Variants in MDGA2 observed in about 807,000 individuals in gnomAD.
MDGA2 encodes MAM domain-containing glycosylphosphatidylinositol anchor protein 2.
A neutral mutation model predicts 117.8 loss-of-function variants in MDGA2; 40 were observed. The observed-to-expected ratio is 0.34, with a 90% confidence interval of 0.26 to 0.44. The LOEUF (loss-of-function observed/expected upper bound fraction) is 0.44. MDGA2 is among the 20% of genes least tolerant of loss of function. MDGA2 has a pLI of 1.00. For synonymous variants in MDGA2, 452 were observed against 439.0 expected, an observed-to-expected ratio of 1.03 and a Z score of -0.37; for missense variants, 1,123 against 1,250.6, an observed-to-expected ratio of 0.90 and a Z score of 1.54.
intron 1 of MDGA2, among the ~76,000 whole-genome samples, chr14:47,398,059 T>C (rs1162854521): frequency 6.6e-6 from 1 of 152,110 alleles, no homozygotes; most frequent in Non-Finnish European, 1.5e-5. Context: ...AGAAGATAAA[T>C]TGAGGCACCA....
chr14:47,559,562 T>G (rs1276993879), intron 1 of MDGA2, among the ~76,000 whole-genome samples: 3 of 150,580 alleles, frequency 2.0e-5, no homozygotes, highest in African/African-American at 4.9e-5. Flanking sequence ...TGAGTACAAG[T>G]TTTTTTTTCT....
At chr14:46,894,126 A>G (rs1189745374) in intron 10 of MDGA2, among the ~76,000 whole-genome samples, 1 of 152,060 alleles carries the variant, frequency 6.6e-6, no homozygotes, top group Admixed American at 6.6e-5. Context: ...TTTGCTAAAT[A>G]TTTTACACAT....
intron 1 of MDGA2, among the ~76,000 whole-genome samples, chr14:47,540,675 T>C (rs1427013760): frequency 6.6e-6 from 1 of 151,366 alleles, no homozygotes; most frequent in Non-Finnish European, 1.5e-5. Flanking sequence ...GCAATCCTCC[T>C]GCCTCAGCCT....
chr14:47,425,648 CT>C (rs1892672220), intron 1 of MDGA2, among the ~76,000 whole-genome samples: 1 of 152,100 alleles, frequency 6.6e-6, no homozygotes, highest in African/African-American at 2.4e-5. Context: ...AGGCTACTTT[CT>C]CCAGAGAGTT....
At chr14:47,415,736 T>C (rs1289501790) in intron 1 of MDGA2, among the ~76,000 whole-genome samples, 2 of 152,140 alleles carry the variant, frequency 1.3e-5, no homozygotes, top group Non-Finnish European at 2.9e-5. Flanking sequence ...CTCGCACTTC[T>C]GGAGGCTGGA....
rs1041600340 is a variant in MDGA2 at position 47,662,495 on chromosome 14, C to T, written c.280+12022G>A. On this transcript the variant is annotated intron_variant, in intron 1 of 16. Transcript: ENST00000399232. ...CAAAGTACTTCTTTGCATAAGTAAG[C>T]TTAGAGATTAAGGCATTAAATTAGT... Among the ~76,000 whole-genome samples, 9 of 1,656 alleles carry T rather than the reference C, an allele frequency of 5.4e-3. No homozygotes were observed. The Non-Finnish European group carries it at 0.08, about 15-fold the overall frequency. The allele number at this position is 1,656 out of a possible 152,430, so 1.1% of individuals were successfully genotyped here.
rs1425564793 is a variant in MDGA2 at position 47,403,156 on chromosome 14, G to T, written c.281-101606C>A. ...TTTCCATTTCCAACAGCATTCACTA[G>T]CAACTTATCAACTTAGTCTAATTTC... On this transcript the variant is annotated intron_variant, in intron 1 of 16. Transcript: ENST00000399232. Among the ~76,000 whole-genome samples the T allele has an allele frequency of 8.5e-5, 13 of 152,170 alleles. No individual in the cohort carries two copies. The South Asian group carries it at 2.7e-3, about 32-fold the overall frequency.
intron 8 of MDGA2, among the ~76,000 whole-genome samples, chr14:47,009,742 T>C (rs922295558): frequency 6.6e-6 from 1 of 152,080 alleles, no homozygotes; most frequent in African/African-American, 2.4e-5. Flanking sequence ...GTAAGAATTT[T>C]GAACTTTTAG....
intron 1 of MDGA2, among the ~76,000 whole-genome samples, chr14:47,465,324 T>C (rs370917881): frequency 6.6e-6 from 1 of 152,082 alleles, no homozygotes; most frequent in Admixed American, 6.6e-5. Context: ...AAGGAAAAAT[T>C]GACTAGTGAG....
intron 5 of MDGA2, among the ~76,000 whole-genome samples, chr14:47,107,815 C>T (rs1880802622): frequency 2.0e-5 from 3 of 151,174 alleles, no homozygotes; most frequent in Admixed American, 2.0e-4. Flanking sequence ...TTAGCCTAGC[C>T]CTCATGTCTG....
chr14:47,157,684 T>A (rs932409835), intron 3 of MDGA2, among the ~76,000 whole-genome samples: 2 of 151,024 alleles, frequency 1.3e-5, no homozygotes, highest in South Asian at 4.3e-4. Context: ...TCATCCTGAA[T>A]TGTAGTTCCC....
chr14:47,297,516 AG>A (rs1364000841), intron 2 of MDGA2, among the ~76,000 whole-genome samples: 3 of 80,740 alleles, frequency 3.7e-5, no homozygotes, highest in Admixed American at 1.6e-4. Context: ...AGGGAAGGGA[AG>A]GGGCAGGGAG....
chr14:46,873,234 A>C lies in MDGA2; in HGVS notation c.2752+199T>G, dbSNP rs186158329. 1.0e-5 allele frequency: 5 copies of C among 484,242 alleles called. No homozygotes were observed. In the East Asian group the frequency reaches 1.4e-4, roughly 13 times the overall value. The allele number at this position is 484,242 out of a possible 1,614,324, so 30.0% of individuals were successfully genotyped here. A position where few individuals can be genotyped will look rare whatever the true frequency, so the allele number is the denominator to read the frequency against. ...TCCAAAGGGAGGTAGGTGATGATCT[A>C]AAATGTCAAATTCCAAATCTAAATT... On this transcript the variant is annotated intron_variant, in intron 14 of 16. Coordinates refer to ENST00000399232, the MANE Select transcript of MDGA2 (RefSeq NM_001113498.3).
chr14:47,333,514 T>A (rs1890351548), intron 1 of MDGA2, among the ~76,000 whole-genome samples: 1 of 151,888 alleles, frequency 6.6e-6, no homozygotes, highest in Non-Finnish European at 1.5e-5. Context: ...GGCTATGAAG[T>A]CTTGATCACT....
chr14:46,880,268 T>C (rs1261720945), intron 11 of MDGA2, among the ~76,000 whole-genome samples: 2 of 151,898 alleles, frequency 1.3e-5, no homozygotes, highest in Admixed American at 1.3e-4. Context: ...GAGGTTGCAG[T>C]GAGTTGAGAT....
chr14:46,957,278 G>T, intron 9 of MDGA2, 96 bp downstream of exon 9: 2 of 1,231,444 alleles, frequency 1.6e-6, no homozygotes, highest in South Asian at 1.5e-5. Context: ...ATGCTCCATT[G>T]ATTTACAAAT....
chr14:47,119,178 C>CG (rs1881506976), intron 5 of MDGA2, among the ~76,000 whole-genome samples: 1 of 61,756 alleles, frequency 1.6e-5, no homozygotes, highest in African/African-American at 4.5e-5. Flanking sequence ...AGCCCCGCCC[C>CG]CCCCCCCCCA....
At chr14:47,182,858 C>G (rs1884764046) in intron 3 of MDGA2, among the ~76,000 whole-genome samples, 1 of 151,946 alleles carries the variant, frequency 6.6e-6, no homozygotes, top group Admixed American at 6.6e-5. Flanking sequence ...TTTTGGGAAA[C>G]TTTTTATTCC....
intron 1 of MDGA2, among the ~76,000 whole-genome samples, chr14:47,413,463 T>C (rs1054158697): frequency 2.6e-5 from 4 of 152,122 alleles, no homozygotes; most frequent in Non-Finnish European, 4.4e-5. Context: ...AAAAAGTAAC[T>C]AAAGGCATTG....
Sources: gnomAD v4.1 joint callset for allele counts (sites outside exome capture counted in the v4.1 genomes callset) on GRCh38, gnomAD v4.1.1 for gene constraint, MANE v1.5 for transcripts, NCBI Gene and HGNC (gene_info 2026-07-23, HGNC 2026-07-21) for gene names.